Variants in ASXL3 observed in about 807,000 individuals in gnomAD.
ASXL3 encodes putative Polycomb group protein ASXL3.
A neutral mutation model predicts 170.6 loss-of-function variants in ASXL3; 34 were observed. That is an observed-to-expected ratio of 0.20 (90% CI 0.15 to 0.27). The LOEUF (loss-of-function observed/expected upper bound fraction) is 0.27, where lower values mean the gene tolerates loss of function less well. Ranked by LOEUF, ASXL3 falls within the 10% of genes least tolerant of loss-of-function variation. The pLI, the probability that ASXL3 is intolerant of heterozygous loss-of-function variation, is 1.00. For synonymous variants in ASXL3, 1,002 were observed against 989.1 expected (o/e 1.01, Z -0.24); for missense variants, 2,592 against 2,695.3 (o/e 0.96, Z 0.85).
At chr18:33,668,684 C>G (rs183779385) in intron 5 of ASXL3, among the ~76,000 whole-genome samples, 42 of 152,084 alleles carry the variant, frequency 2.8e-4, no homozygotes, top group Admixed American at 1.8e-3. Context: ...ATTCTTATAT[C>G]ATTTTTATTA....
intron 8 of ASXL3, among the ~76,000 whole-genome samples, chr18:33,720,699 A>C (rs576140986): frequency 9.2e-5 from 14 of 152,108 alleles, no homozygotes; most frequent in African/African-American, 3.4e-4. Context: ...ACCCTTCTCT[A>C]ATTGTGGAGA....
chr18:33,704,934 T>A (rs2066933038), intron 8 of ASXL3, among the ~76,000 whole-genome samples: 2 of 151,926 alleles, frequency 1.3e-5, no homozygotes, highest in African/African-American at 4.8e-5. Flanking sequence ...AGTGTTACTT[T>A]CTGTCATCTG....
intron 2 of ASXL3, among the ~76,000 whole-genome samples, chr18:33,642,792 A>G (rs1274286083): frequency 2.0e-5 from 3 of 151,946 alleles, no homozygotes; most frequent in African/African-American, 4.8e-5. Context: ...TTAATAGCCA[A>G]TTTATCTTCT....
chr18:33,702,694 G>A (rs2145329352), intron 8 of ASXL3, among the ~76,000 whole-genome samples: 1 of 152,086 alleles, frequency 6.6e-6, no homozygotes, highest in East Asian at 1.9e-4. Flanking sequence ...TTTATGTTAG[G>A]TTTTCAGTGG....
Position 33,582,288 on chromosome 18 carries a change from G to A in ASXL3, c.54+3603G>A, listed in dbSNP as rs140392958. On this transcript the variant is annotated intron_variant, in intron 1 of 11. Coordinates refer to ENST00000269197, the MANE Select transcript of ASXL3 (RefSeq NM_030632.3). Reference sequence around the variant, plus strand: ...CTATAAATACAGTTTAAACCATTGTGAAACGATCTTCATGCTTCTTTGTAA... The same window carrying A: ...CTATAAATACAGTTTAAACCATTGTAAAACGATCTTCATGCTTCTTTGTAA... Among the ~76,000 whole-genome samples the A allele has an allele frequency of 3.3e-5, 5 of 152,290 alleles. No individual in the cohort carries two copies. In the East Asian group the frequency reaches 9.6e-4, roughly 29 times the overall value.
chr18:33,684,515 A>G (rs1242639618), intron 8 of ASXL3, among the ~76,000 whole-genome samples: 2 of 152,130 alleles, frequency 1.3e-5, no homozygotes, highest in African/African-American at 4.8e-5. Flanking sequence ...GCTACAATTT[A>G]TATGTATCTC....
chr18:33,629,359 GC>G (rs1428127657), intron 2 of ASXL3, among the ~76,000 whole-genome samples: 9 of 152,192 alleles, frequency 5.9e-5, no homozygotes, highest in African/African-American at 1.9e-4. Context: ...TTGGAGTTGT[GC>G]TTACTTAAAT....
intron 1 of ASXL3, among the ~76,000 whole-genome samples, chr18:33,581,431 T>A (rs1306543204): frequency 3.3e-5 from 5 of 152,090 alleles, no homozygotes; most frequent in Middle Eastern, 3.4e-3. Flanking sequence ...GATCTTCCAA[T>A]TCATGCAGAA....
rs537016636 is a variant in ASXL3, at chr18:33,749,561, T to A, written c.*2966T>A. The stretch of plus-strand genomic sequence containing the variant: ...AAGATATGCATATGCCTGAGGTGTA[T>A]AAAGACATTTAGGTTAGTTAATGGG... On this transcript the variant is annotated 3_prime_UTR_variant, in exon 12 of 12. Transcript: ENST00000269197. The A allele has an allele frequency of 6.6e-6, 1 of 152,232 alleles. No homozygotes were observed. Among genetic ancestry groups the A allele is most frequent in the South Asian group, 2.1e-4 (1 of 4,826 alleles). The allele number at this position is 152,232 out of a possible 1,614,324, so 9.4% of individuals were successfully genotyped here. A position where few individuals can be genotyped will look rare whatever the true frequency, so the allele number is the denominator to read the frequency against.
chr18:33,586,837 GAT>G (rs2065038789), intron 1 of ASXL3, among the ~76,000 whole-genome samples: 1 of 152,104 alleles, frequency 6.6e-6, no homozygotes, highest in South Asian at 2.1e-4. Flanking sequence ...ACATTTATTG[GAT>G]ACTTTCAACA....
At chr18:33,652,965 C>G (rs1182978594) in intron 4 of ASXL3, among the ~76,000 whole-genome samples, 2 of 151,820 alleles carry the variant, frequency 1.3e-5, no homozygotes, top group Non-Finnish European at 2.9e-5. Context: ...GTCTGGACAC[C>G]CTGGGGAGTA....
At chr18:33,615,566 A>G (rs894736939) in intron 2 of ASXL3, among the ~76,000 whole-genome samples, 4 of 152,198 alleles carry the variant, frequency 2.6e-5, no homozygotes, top group Non-Finnish European at 5.9e-5. Context: ...TGCTTGATGC[A>G]GGGTTGCCTC....
At position 33,739,692 on chromosome 18, in the gene ASXL3, G is replaced by A. The variant is rs775927286; in HGVS notation, c.2288G>A (p.Arg763Lys). The A allele has an allele frequency of 6.2e-7, 1 of 1,613,890 alleles. No homozygotes were observed. Among genetic ancestry groups the A allele is most frequent in the Non-Finnish European group, 8.5e-7 (1 of 1,179,882 alleles). ...ATTTCCAACTCTTCCATAAATGAGA[G>A]AATGGCACATCAGCAAAGAAAGTCA... ...SPISNSSINE[R>K]MAHQQRKSPS... The change falls in exon 11 of 12, where the codon AGA (arginine) becomes AAA (lysine). Residue 763 changes from arginine to lysine, a missense_variant. By Grantham distance (26) the Arg-to-Lys change is conservative. Coordinates refer to ENST00000269197, the MANE Select transcript of ASXL3 (RefSeq NM_030632.3).
At chr18:33,697,280 G>A (rs1029968673) in intron 8 of ASXL3, among the ~76,000 whole-genome samples, 2 of 152,062 alleles carry the variant, frequency 1.3e-5, no homozygotes, top group South Asian at 2.1e-4. Context: ...TTTTATGGTG[G>A]GCTATGCAAG....
At position 33,694,602 on chromosome 18, in the gene ASXL3, C is replaced by T. The variant is rs376416510; in HGVS notation, c.879+11034C>T. Among the ~76,000 whole-genome samples, 128 of 151,904 alleles carry T rather than the reference C, an allele frequency of 8.4e-4. 1 individual carries two copies. The highest frequency in any genetic ancestry group is 2.4e-3 in the African/African-American group (99 of 41,386). On this transcript the variant is annotated intron_variant, in intron 8 of 11. Transcript: ENST00000269197. The stretch of plus-strand genomic sequence containing the variant: ...CCAACTGCTTCTAAATAAGTTGTGC[C>T]TGCTTTTTTTTTTGTCCAAATGGTA...
At position 33,578,485 on chromosome 18, in the gene ASXL3, GCCGCCGCCGCCGCCA is replaced by G. The variant is rs2064963815; in HGVS notation, c.-141_-127del. 3 of 231,510 alleles carry G rather than the reference GCCGCCGCCGCCGCCA, an allele frequency of 1.3e-5. No homozygotes were observed. Among genetic ancestry groups the G allele is most frequent in the Admixed American group, 7.6e-5 (1 of 13,148 alleles). The allele number at this position is 231,510 out of a possible 1,614,324, so 14.3% of individuals were successfully genotyped here. ...CGCCGCCGCCGCCGCCGCCGCCGCC[GCCGCCGCCGCCGCCA>G]CCGCCCGCGCGCCTCCCCCCGCGGA... is the stretch of plus-strand genomic sequence containing the variant. On this transcript the variant is annotated 5_prime_UTR_variant, in exon 1 of 12. Coordinates refer to ENST00000269197, the MANE Select transcript of ASXL3 (RefSeq NM_030632.3).
intron 1 of ASXL3, among the ~76,000 whole-genome samples, chr18:33,583,170 G>A (rs2065007334): frequency 6.6e-6 from 1 of 152,126 alleles, no homozygotes; most frequent in South Asian, 2.1e-4. Context: ...TGATAAGCAT[G>A]GTGATAGGGG....
intron 10 of ASXL3, 133 bp downstream of exon 10, chr18:33,734,548 GAA>G: frequency 2.1e-6 from 1 of 468,428 alleles, no homozygotes; most frequent in South Asian, 7.1e-5. Flanking sequence ...CTCAGTGTAA[GAA>G]ATTGCAGATG....
chr18:33,578,548 CTGGGTCAT>C lies in ASXL3; in HGVS notation c.-81_-74del, dbSNP rs1292800663. On this transcript the variant is annotated 5_prime_UTR_variant, in exon 1 of 12. Coordinates refer to ENST00000269197, the MANE Select transcript of ASXL3 (RefSeq NM_030632.3). ...GGAGCGAGTGCGGGTCACCGGGTCACTGGGTCATTGTCTCCGCGCCCGAACCCCGAGCA... is the reference window on the plus strand; with the variant it reads ...GGAGCGAGTGCGGGTCACCGGGTCACTGTCTCCGCGCCCGAACCCCGAGCA... The C allele has an allele frequency of 2.3e-6, 2 of 852,670 alleles. No individual in the cohort carries two copies. The highest frequency in any genetic ancestry group is 3.1e-6 in the Non-Finnish European group (2 of 649,556). 52.8% of individuals were successfully genotyped at this position (852,670 alleles called of 1,614,324 possible). A position where few individuals can be genotyped will look rare whatever the true frequency, so the allele number is the denominator to read the frequency against.
Sources: allele counts gnomAD v4.1 joint callset (sites outside exome capture counted in the v4.1 genomes callset), GRCh38; gene constraint gnomAD v4.1.1; transcripts MANE v1.5; gene names NCBI Gene and HGNC (gene_info 2026-07-23, HGNC 2026-07-21).